The following TENM3 variants were observed in gnomAD, a reference collection of about 807,000 sequenced individuals.
TENM3 encodes teneurin-3.
A neutral mutation model predicts 255.1 loss-of-function variants in TENM3; 63 were observed. That is an observed-to-expected ratio of 0.25 (90% CI 0.20 to 0.30). The LOEUF (loss-of-function observed/expected upper bound fraction) is 0.30. Among genes scored for constraint, TENM3 ranks in the 10% least tolerant of loss-of-function variants. The pLI, the probability that TENM3 is intolerant of heterozygous loss-of-function variation, is 1.00. For missense variants in TENM3, 2,929 were observed against 3,461.1 expected (o/e 0.85, Z 3.86); for synonymous variants, 1,306 against 1,322.3 (o/e 0.99, Z 0.27).
the TENM3 span, among the ~76,000 whole-genome samples, chr4:181,921,165 C>A: frequency 1.3e-5 from 2 of 152,180 alleles, 1 homozygote; most frequent in South Asian, 4.2e-4. Flanking sequence ...AGTCAGGTAG[C>A]GTGATGCCTC....
At chr4:182,459,812 A>C (rs953270057) in intron 3 of TENM3, among the ~76,000 whole-genome samples, 20 of 152,178 alleles carry the variant, frequency 1.3e-4, no homozygotes, top group Middle Eastern at 3.2e-3. Context: ...TGAGTTTTTC[A>C]GGAGTTGGGC....
the TENM3 span, among the ~76,000 whole-genome samples, chr4:181,737,573 A>T: frequency 2.6e-5 from 4 of 152,150 alleles, no homozygotes; most frequent in African/African-American, 9.7e-5. Context: ...GAAGAGGCAC[A>T]TCATGAGGTT....
Position 182,196,617 on chromosome 4 carries a change from G to A in TENM3, c.-76+51863G>A, listed in dbSNP as rs528417149. Among the ~76,000 whole-genome samples the A allele has an allele frequency of 2.6e-4, 40 of 152,284 alleles. 2 individuals are homozygous for A. The South Asian group carries it at 7.1e-3, about 27-fold the overall frequency. ...CTCATTTGAGCTTAAGCCCTCGGGT[G>A]TAGTAATGTAACTAGGGCTGATTGT... On this transcript the variant is annotated intron_variant, in intron 1 of 2. Transcript: ENST00000512480.
At chr4:182,397,985 T>A (rs1768967605) in intron 3 of TENM3, among the ~76,000 whole-genome samples, 1 of 152,146 alleles carries the variant, frequency 6.6e-6, no homozygotes, top group Non-Finnish European at 1.5e-5. Flanking sequence ...AGGCTTTAGT[T>A]CTCTGTTTCG....
intron 22 of TENM3, among the ~76,000 whole-genome samples, chr4:182,762,621 C>T (rs1055297872): frequency 2.0e-5 from 3 of 152,180 alleles, no homozygotes; most frequent in South Asian, 2.1e-4. Context: ...TCCTGGATCC[C>T]GTAACTCCTC....
intron 3 of TENM3, among the ~76,000 whole-genome samples, chr4:182,509,164 G>A (rs1385332445): frequency 6.6e-6 from 1 of 152,180 alleles, no homozygotes; most frequent in Non-Finnish European, 1.5e-5. Context: ...GCATCCTGCA[G>A]TCTAGTATAA....
intron 3 of TENM3, among the ~76,000 whole-genome samples, chr4:182,385,640 T>C (rs1039909256): frequency 3.3e-5 from 5 of 150,090 alleles, no homozygotes; most frequent in African/African-American, 1.3e-4. Flanking sequence ...ATAGAGGCTT[T>C]GTTAAAAGTT....
At chr4:182,614,383 T>G (rs1749283828) in intron 4 of TENM3, among the ~76,000 whole-genome samples, 2 of 152,100 alleles carry the variant, frequency 1.3e-5, no homozygotes, top group Non-Finnish European at 2.9e-5. Context: ...ACATAGACAT[T>G]TACTTATCTG....
the TENM3 span, among the ~76,000 whole-genome samples, chr4:181,928,809 C>T: frequency 6.6e-6 from 1 of 152,080 alleles, no homozygotes; most frequent in East Asian, 1.9e-4. Context: ...AAAGGAAAGC[C>T]CATCAGACTA....
chr4:181,486,637 G>A, the TENM3 span, among the ~76,000 whole-genome samples: 1 of 152,178 alleles, frequency 6.6e-6, no homozygotes, highest in Admixed American at 6.5e-5. Context: ...TCTCTATAAA[G>A]AAAGTTTATA....
chr4:182,750,136 CTT>C (rs1210412543), intron 19 of TENM3, among the ~76,000 whole-genome samples: 1 of 152,222 alleles, frequency 6.6e-6, no homozygotes, highest in African/African-American at 2.4e-5. Flanking sequence ...TATCATAACA[CTT>C]AGCACAGCAA....
At chr4:182,456,312 G>T (rs1273709791) in intron 3 of TENM3, among the ~76,000 whole-genome samples, 1 of 152,122 alleles carries the variant, frequency 6.6e-6, no homozygotes, top group Non-Finnish European at 1.5e-5. Context: ...TGTAATGTAT[G>T]AATGAAATAA....
chr4:182,752,702 A>G (rs1762458380), intron 20 of TENM3, among the ~76,000 whole-genome samples: 1 of 152,180 alleles, frequency 6.6e-6, no homozygotes, highest in African/African-American at 2.4e-5. Flanking sequence ...TGAATTATTC[A>G]TAATAGAAAA....
the TENM3 span, among the ~76,000 whole-genome samples, chr4:182,050,731 G>C: frequency 2.0e-4 from 30 of 152,160 alleles, no homozygotes; most frequent in Admixed American, 1.7e-3. Context: ...TTGAGCCCCA[G>C]AGACAAAGGT....
intron 18 of TENM3, among the ~76,000 whole-genome samples, chr4:182,741,435 A>C (rs1761599442): frequency 6.6e-6 from 1 of 152,220 alleles, no homozygotes; most frequent in African/African-American, 2.4e-5. Flanking sequence ...GCCCTGAAAC[A>C]TGGAAATAAA....
intron 2 of TENM3, among the ~76,000 whole-genome samples, chr4:182,328,915 G>A (rs768833946): frequency 2.6e-5 from 4 of 152,026 alleles, no homozygotes; most frequent in Non-Finnish European, 5.9e-5. Flanking sequence ...CCCCACTGCC[G>A]GACCTCCCTT....
the TENM3 span, among the ~76,000 whole-genome samples, chr4:181,476,171 C>T: frequency 6.6e-6 from 1 of 150,754 alleles, no homozygotes; most frequent in Non-Finnish European, 1.5e-5. Flanking sequence ...CTTTTGAAGC[C>T]CCGGAATGAA....
chr4:181,562,678 ATTT>A, the TENM3 span, among the ~76,000 whole-genome samples: 1 of 143,220 alleles, frequency 7.0e-6, no homozygotes. Flanking sequence ...ATTCTTCTTA[ATTT>A]TTTTTTTTTT....
At chr4:182,474,088 G>A (rs1733428204) in intron 3 of TENM3, among the ~76,000 whole-genome samples, 1 of 152,150 alleles carries the variant, frequency 6.6e-6, no homozygotes, top group South Asian at 2.1e-4. Flanking sequence ...CTCATGGTAA[G>A]TTTCTAGGTA....
Sources: allele counts gnomAD v4.1 joint callset (sites outside exome capture counted in the v4.1 genomes callset), GRCh38; gene constraint gnomAD v4.1.1; transcripts MANE v1.5; gene names NCBI Gene and HGNC (gene_info 2026-07-23, HGNC 2026-07-21).